The following CNOT6 variants were observed in gnomAD, a reference collection of about 807,000 sequenced individuals.
CNOT6 encodes CCR4-NOT transcription complex subunit 6.
A neutral mutation model predicts 61.2 loss-of-function variants in CNOT6; 12 were observed. The observed-to-expected ratio is 0.20, with a 90% CI of 0.13 to 0.32. The LOEUF is 0.32. CNOT6 is among the 10% of genes least tolerant of loss of function. The pLI, the probability that CNOT6 is intolerant of heterozygous loss-of-function variation, is 1.00. For synonymous variants in CNOT6, 225 were observed against 240.6 expected (o/e 0.94, Z 0.60); for missense variants, 405 against 663.9 (o/e 0.61, Z 4.28).
intron 1 of CNOT6, among the ~76,000 whole-genome samples, chr5:180,520,969 C>T (rs1484915136): frequency 2.6e-5 from 4 of 151,736 alleles, no homozygotes; most frequent in Non-Finnish European, 4.4e-5. Flanking sequence ...CTCAGCCTCC[C>T]GAGTAACTGG....
At chr5:180,566,410 A>G (rs1469061367) in intron 7 of CNOT6, among the ~76,000 whole-genome samples, 1 of 152,196 alleles carries the variant, frequency 6.6e-6, no homozygotes, top group Non-Finnish European at 1.5e-5. Context: ...ATGATCTTGA[A>G]CATGTTACTT....
intron 2 of CNOT6, 78 bp downstream of exon 2, chr5:180,529,466 G>A: frequency 1.3e-6 from 1 of 755,250 alleles, no homozygotes; most frequent in Non-Finnish European, 2.3e-6. Context: ...GCCAATACAG[G>A]AAAGAAACAT....
chr5:180,501,314 G>A (rs939465890), intron 1 of CNOT6, among the ~76,000 whole-genome samples: 13 of 152,184 alleles, frequency 8.5e-5, no homozygotes, highest in African/African-American at 3.1e-4. Context: ...TATAAAAATA[G>A]GAAAGAGTTG....
intron 1 of CNOT6, among the ~76,000 whole-genome samples, chr5:180,525,674 A>G (rs1275847454): frequency 6.6e-6 from 1 of 152,184 alleles, no homozygotes; most frequent in Non-Finnish European, 1.5e-5. Context: ...CAGTGGGCAA[A>G]TTGCTTAAAC....
chr5:180,516,182 ATT>A (rs11309577), intron 1 of CNOT6, among the ~76,000 whole-genome samples: 2,757 of 137,876 alleles, frequency 0.02, 64 homozygotes, highest in African/African-American at 0.063. Context: ...AAAATTCAGG[ATT>A]TTTTTTTTTT....
At chr5:180,497,599 TA>T (rs1430739417) in intron 1 of CNOT6, among the ~76,000 whole-genome samples, 1 of 152,186 alleles carries the variant, frequency 6.6e-6, no homozygotes, top group Non-Finnish European at 1.5e-5. Flanking sequence ...AAGCATTTAT[TA>T]CTTTGGAAAA....
chr5:180,564,620 T>G, intron 5 of CNOT6, 27 bp downstream of exon 5: 1 of 1,609,570 alleles, frequency 6.2e-7, no homozygotes. Flanking sequence ...TTAAACCTTT[T>G]TATTAGGAAG....
At chr5:180,546,554 T>C (rs1192545052) in intron 2 of CNOT6, among the ~76,000 whole-genome samples, 1 of 152,360 alleles carries the variant, frequency 6.6e-6, no homozygotes, top group South Asian at 2.1e-4. Context: ...ATTATTTCTT[T>C]GTGATGTGTC....
chr5:180,542,406 A>T (rs1046329545), intron 2 of CNOT6, among the ~76,000 whole-genome samples: 1 of 152,022 alleles, frequency 6.6e-6, no homozygotes, highest in Admixed American at 6.5e-5. Context: ...CTGGGACTAC[A>T]GGCCCGCGCC....
At chr5:180,558,734 C>T (rs1760028624) in intron 4 of CNOT6, among the ~76,000 whole-genome samples, 1 of 152,050 alleles carries the variant, frequency 6.6e-6, no homozygotes, top group Admixed American at 6.5e-5. Context: ...TCCTCCCAAC[C>T]CTGCTTTAGA....
Position 180,576,661 on chromosome 5 carries a change from G to T in CNOT6, c.*2461G>T, listed in dbSNP as rs1405364692. 6.6e-6 allele frequency: 1 copy of T among 151,750 alleles called. No individual in the cohort carries two copies. Among genetic ancestry groups the T allele is most frequent in the East Asian group, 1.9e-4 (1 of 5,134 alleles). The allele number at this position is 151,750 out of a possible 1,614,324, so 9.4% of individuals were successfully genotyped here. A position where few individuals can be genotyped will look rare whatever the true frequency, so the allele number is the denominator to read the frequency against. On this transcript the variant is annotated 3_prime_UTR_variant, in exon 12 of 12. Coordinates refer to ENST00000261951, the MANE Select transcript of CNOT6 (RefSeq NM_001370472.1). ...ATTTACAAGTGTAACCTTCAAAAGA[G>T]GAAGAACTATTTGGGGTCTGTAGGT...
rs954327536 is a variant in CNOT6 at position 180,576,146 on chromosome 5, G to T, written c.*1946G>T. ...AACTTTTTATGGGGTTTTGTTATTG[G>T]TTTTTTTTTGTAAAGTGTGAATAAA... On this transcript the variant is annotated 3_prime_UTR_variant, in exon 12 of 12. Transcript: ENST00000261951. 10 of 151,166 alleles carry T rather than the reference G, an allele frequency of 6.6e-5. No homozygotes were observed. Among genetic ancestry groups the T allele is most frequent in the Admixed American group, 2.6e-4 (4 of 15,120 alleles). The allele number at this position is 151,166 out of a possible 1,614,324, so 9.4% of individuals were successfully genotyped here. A position where few individuals can be genotyped will look rare whatever the true frequency, so the allele number is the denominator to read the frequency against.
At chr5:180,513,689 ATTTATTTATTTT>A (rs1561635216) in intron 1 of CNOT6, among the ~76,000 whole-genome samples, 1 of 116,142 alleles carries the variant, frequency 8.6e-6, no homozygotes, top group Non-Finnish European at 2.0e-5. Flanking sequence ...TTATTTATTT[ATTTATTTATTTT>A]TATTTATTTA....
chr5:180,523,676 T>TTC (rs1386000079), intron 1 of CNOT6, among the ~76,000 whole-genome samples: 1 of 152,186 alleles, frequency 6.6e-6, no homozygotes, highest in African/African-American at 2.4e-5. Context: ...TTACTTCATA[T>TTC]TCTGCTAAGT....
Position 180,571,217 on chromosome 5 carries a change from G to T in CNOT6, c.1259-13G>T, listed in dbSNP as rs774442278. 5.7e-6 allele frequency: 9 copies of T among 1,582,152 alleles called. No homozygotes were observed. In the South Asian group the frequency reaches 1.0e-4, roughly 18 times the overall value. On this transcript the variant is annotated splice_polypyrimidine_tract_variant and intron_variant, in intron 10 of 11. Transcript: ENST00000261951. Reference sequence around the variant, plus strand: ...TATATATTTGACAATAAAAAAATTTGTCTTCATTGTAGGTGTTGTAGAATA... The same window carrying T: ...TATATATTTGACAATAAAAAAATTTTTCTTCATTGTAGGTGTTGTAGAATA...
intron 1 of CNOT6, among the ~76,000 whole-genome samples, chr5:180,504,955 ATT>A (rs769852255): frequency 0.025 from 2,512 of 101,556 alleles, 48 homozygotes; most frequent in African/African-American, 0.092. Flanking sequence ...GTACTAGTTA[ATT>A]TTTTTTTTTT....
intron 1 of CNOT6, among the ~76,000 whole-genome samples, chr5:180,514,433 C>T (rs567528104): frequency 1.5e-4 from 23 of 152,174 alleles, no homozygotes; most frequent in Non-Finnish European, 2.6e-4. Flanking sequence ...TTCAAGTCTG[C>T]TTCACAAAGA....
intron 1 of CNOT6, among the ~76,000 whole-genome samples, chr5:180,526,358 T>TGCC: frequency 6.6e-6 from 1 of 152,300 alleles, no homozygotes; most frequent in East Asian, 1.9e-4. Context: ...AGGAAGGGAT[T>TGCC]GCCAGAGTAA....
At chr5:180,519,559 A>T (rs1757791070) in intron 1 of CNOT6, among the ~76,000 whole-genome samples, 1 of 152,218 alleles carries the variant, frequency 6.6e-6, no homozygotes, top group South Asian at 2.1e-4. Flanking sequence ...TGCAATGTAC[A>T]TGTACACCTT....
Sources: allele counts gnomAD v4.1 joint callset (sites outside exome capture counted in the v4.1 genomes callset), GRCh38; gene constraint gnomAD v4.1.1; transcripts MANE v1.5; gene names NCBI Gene and HGNC (gene_info 2026-07-23, HGNC 2026-07-21).